The following NRXN1 variants were observed in gnomAD, a reference collection of about 807,000 sequenced individuals.
The protein encoded by NRXN1 is neurexin 1, also known as neurexin-1.
In NRXN1, 39 loss-of-function variants were observed where a neutral mutation model predicts 150.9. The observed-to-expected ratio is 0.26, with a 90% CI of 0.20 to 0.34. The LOEUF is 0.34. Among genes scored for constraint, NRXN1 ranks in the 10% least tolerant of loss-of-function variants. The probability of loss-of-function intolerance (pLI) is 1.00; values close to 1 mark genes in which losing one functional copy is unlikely to be tolerated. For synonymous variants in NRXN1, 924 were observed against 757.0 expected, an observed-to-expected ratio of 1.22 and a Z score of -3.62; for missense variants, 1,815 against 1,949.9, an observed-to-expected ratio of 0.93 and a Z score of 1.30.
At chr2:50,223,305 C>A (rs1462581704) in intron 18 of NRXN1, among the ~76,000 whole-genome samples, 1 of 151,906 alleles carries the variant, frequency 6.6e-6, no homozygotes, top group African/African-American at 2.4e-5. Context: ...TAACAATTAA[C>A]AATATCTACA....
chr2:50,422,548 T>G (rs1415613743), intron 17 of NRXN1, among the ~76,000 whole-genome samples: 1 of 152,194 alleles, frequency 6.6e-6, no homozygotes, highest in African/African-American at 2.4e-5. Flanking sequence ...GAAGTTGCCA[T>G]TTAGTCTGAC....
At chr2:49,950,491 G>C (rs1673731569) in intron 21 of NRXN1, among the ~76,000 whole-genome samples, 1 of 151,946 alleles carries the variant, frequency 6.6e-6, no homozygotes, top group Admixed American at 6.6e-5. Context: ...TCTATGCGTA[G>C]CATTTTCTGA....
At chr2:50,357,842 G>C (rs2078928737) in intron 17 of NRXN1, among the ~76,000 whole-genome samples, 1 of 152,150 alleles carries the variant, frequency 6.6e-6, no homozygotes, top group South Asian at 2.1e-4. Flanking sequence ...GACCAATTCA[G>C]AAGGCAGGTG....
intron 17 of NRXN1, among the ~76,000 whole-genome samples, chr2:50,281,427 G>A (rs763138031): frequency 6.6e-6 from 1 of 152,070 alleles, no homozygotes; most frequent in Non-Finnish European, 1.5e-5. Flanking sequence ...GCCTTAGTGA[G>A]TGAACAAAAC....
chr2:50,307,807 C>T (rs542364181), intron 17 of NRXN1, among the ~76,000 whole-genome samples: 3 of 152,070 alleles, frequency 2.0e-5, no homozygotes, highest in African/African-American at 4.8e-5. Context: ...TGGATTTATA[C>T]CCAAAGCTCT....
At chr2:50,553,053 C>G (rs779518410) in intron 8 of NRXN1, 28 bp from the exon 9 acceptor site, 12 of 1,484,236 alleles carry the variant, frequency 8.1e-6, no homozygotes, top group Non-Finnish European at 8.2e-6. Context: ...CAGTGAGAAA[C>G]TAGCCTCCAT....
chr2:50,999,457 T>G (rs886574272), intron 2 of NRXN1, among the ~76,000 whole-genome samples: 1 of 151,984 alleles, frequency 6.6e-6, no homozygotes, highest in East Asian at 1.9e-4. Context: ...CAACACTTCT[T>G]GCACATCTTC....
intron 10 of NRXN1, among the ~76,000 whole-genome samples, chr2:50,536,436 C>T (rs574848699): frequency 1.3e-5 from 2 of 152,308 alleles, no homozygotes; most frequent in South Asian, 4.1e-4. Context: ...CTAATCATTG[C>T]AATATATAAA....
intron 5 of NRXN1, among the ~76,000 whole-genome samples, chr2:50,778,933 A>C (rs1293834673): frequency 6.6e-6 from 1 of 152,224 alleles, no homozygotes; most frequent in African/African-American, 2.4e-5. Flanking sequence ...TATGCAAAAC[A>C]AAGATTACAT....
rs1558549397 is a variant in NRXN1, at chr2:49,942,617, A to ATTATT, written c.4216+1082_4216+1086dup. Among the ~76,000 whole-genome samples, 8 of 149,752 alleles carry ATTATT rather than the reference A, an allele frequency of 5.3e-5. No homozygotes were observed. In the East Asian group the frequency reaches 1.6e-3, roughly 29 times the overall value. On this transcript the variant is annotated intron_variant, in intron 22 of 22. Transcript: ENST00000401669. ...TTATTATTATTATTATTATTATTTT[A>ATTATT]TTATTATTTTGAGACAAAATCCCAC...
intron 5 of NRXN1, among the ~76,000 whole-genome samples, chr2:50,884,553 T>C (rs1016723902): frequency 6.6e-6 from 1 of 151,738 alleles, no homozygotes; most frequent in Non-Finnish European, 1.5e-5. Flanking sequence ...AGATCATGTA[T>C]TCATGTTTTG....
rs2104293977 is a variant in NRXN1, at chr2:50,623,332, G to A, written c.1116C>T (p.Val372=). 2 of 1,612,518 alleles carry A rather than the reference G, an allele frequency of 1.2e-6. No individual in the cohort carries two copies. The highest frequency in any genetic ancestry group is 1.7e-4 in the Middle Eastern group (1 of 6,046). The stretch of plus-strand genomic sequence containing the variant: ...CTGTTACCTGACGCAGATTCCTGGT[G>A]ACTTTCACATCATGCCAGGCATTAT... The part of the protein sequence containing the change: ...FNDNAWHDVK[V]TRNLRQHSGI... Residue 372 remains valine, a synonymous_variant, in exon 6 of 23, where the codon GTC becomes GTT. Transcript: ENST00000401669.
intron 5 of NRXN1, among the ~76,000 whole-genome samples, chr2:50,683,356 G>A (rs1440756211): frequency 6.6e-6 from 1 of 151,446 alleles, no homozygotes; most frequent in Admixed American, 6.6e-5. Context: ...TTACAGGCCA[G>A]GCGCAGTGGC....
intron 21 of NRXN1, among the ~76,000 whole-genome samples, chr2:50,019,641 C>CAAAAAAAAAAAAAAAAAAAAAG (rs764073226): frequency 3.9e-5 from 1 of 25,554 alleles, no homozygotes; most frequent in Admixed American, 6.2e-4. Flanking sequence ...GATTCCGTCT[C>CAAAAAAAAAAAAAAAAAAAAAG]AAAAAAAAAA....
At chr2:50,315,877 T>G (rs1363659730) in intron 17 of NRXN1, among the ~76,000 whole-genome samples, 2 of 152,120 alleles carry the variant, frequency 1.3e-5, no homozygotes, top group African/African-American at 4.8e-5. Flanking sequence ...GGTGACAGTT[T>G]CCATCCTTAG....
chr2:50,215,481 T>C (rs939940349), intron 18 of NRXN1, among the ~76,000 whole-genome samples: 1 of 152,010 alleles, frequency 6.6e-6, no homozygotes, highest in African/African-American at 2.4e-5. Flanking sequence ...GGTGAAAACA[T>C]TTAATTTATA....
chr2:50,797,038 C>G (rs530302543), intron 5 of NRXN1, among the ~76,000 whole-genome samples: 3 of 152,216 alleles, frequency 2.0e-5, no homozygotes, highest in African/African-American at 7.2e-5. Context: ...TATAAGAGCA[C>G]GAATCCTATT....
intron 21 of NRXN1, among the ~76,000 whole-genome samples, chr2:50,021,214 A>T (rs1029345803): frequency 2.0e-5 from 3 of 152,178 alleles, no homozygotes; most frequent in African/African-American, 7.2e-5. Flanking sequence ...AATGTGAAAT[A>T]TCTGCTGGGA....
At chr2:50,493,494 C>T (rs1007558671) in intron 15 of NRXN1, among the ~76,000 whole-genome samples, 76 of 152,130 alleles carry the variant, frequency 5.0e-4, no homozygotes, top group Non-Finnish European at 1.0e-4. Flanking sequence ...AGACGGAGAG[C>T]TTTGCATTGC....
Sources: allele counts gnomAD v4.1 joint callset (sites outside exome capture counted in the v4.1 genomes callset), GRCh38; gene constraint gnomAD v4.1.1; transcripts MANE v1.5; gene names NCBI Gene and HGNC (gene_info 2026-07-23, HGNC 2026-07-21).